Variants in PXN observed in about 807,000 individuals in gnomAD.
PXN encodes the protein testicular tissue protein Li 134.
In PXN, 61 loss-of-function variants were observed where a neutral mutation model predicts 103.6. The ratio of observed to expected loss-of-function variants is 0.59; its 90% CI spans 0.48 to 0.73. The LOEUF (loss-of-function observed/expected upper bound fraction) is 0.73. Among genes scored for constraint, PXN ranks in the 30% least tolerant of loss-of-function variants. PXN has a pLI of 0.00. For synonymous variants in PXN, 562 were observed against 607.8 expected (o/e 0.92, Z 1.11); for missense variants, 1,274 against 1,460.3 (o/e 0.87, Z 2.08).
chr12:120,230,063 T>G (rs1461926026), intron 1 of PXN, among the ~76,000 whole-genome samples: 1 of 152,160 alleles, frequency 6.6e-6, no homozygotes, highest in Admixed American at 6.5e-5. Flanking sequence ...GAACAAGGTA[T>G]TTTCCAGCCC....
At chr12:120,245,331 G>C (rs574761601) in intron 1 of PXN, among the ~76,000 whole-genome samples, 1 of 151,998 alleles carries the variant, frequency 6.6e-6, no homozygotes, top group Admixed American at 6.6e-5. Context: ...GAGCCACAAA[G>C]CACGTACAGA....
intron 1 of PXN, among the ~76,000 whole-genome samples, chr12:120,259,767 G>A (rs1023720288): frequency 6.6e-6 from 1 of 152,234 alleles, no homozygotes; most frequent in Non-Finnish European, 1.5e-5. Flanking sequence ...AGTGGACCCC[G>A]TGAGGCTGTC....
intron 3 of PXN, 119 bp from the exon 4 acceptor site, chr12:120,223,118 G>A: frequency 6.6e-7 from 1 of 1,519,728 alleles, no homozygotes; most frequent in Non-Finnish European, 8.9e-7. Context: ...TCCCCCGCAA[G>A]AGGACAGAGG....
At chr12:120,246,698 C>CA (rs1191579342) in intron 1 of PXN, among the ~76,000 whole-genome samples, 2 of 150,694 alleles carry the variant, frequency 1.3e-5, no homozygotes, top group Non-Finnish European at 3.0e-5. Flanking sequence ...ACTAAAAATA[C>CA]AAAAAAATTA....
Position 120,216,234 on chromosome 12 carries a change from G to A in PXN, c.2301+39C>T. ...GAGTGGGGGATGGCTCAGGCATTAG[G>A]ACAGGGGACAGAAAGGGAGGGGCTC... is the stretch of plus-strand genomic sequence containing the variant. On this transcript the variant is annotated intron_variant, in intron 9 of 14. Coordinates refer to ENST00000637617, the MANE Select transcript of PXN (RefSeq NM_001385981.1). This position sits in a 1 kb window ranked among gnomAD's most constrained non-coding sequence, Gnocchi z 5.1. The A allele has an allele frequency of 7.8e-7, 1 of 1,274,950 alleles. No individual in the cohort carries two copies. The highest frequency in any genetic ancestry group is 9.9e-7 in the Non-Finnish European group (1 of 1,014,536). The allele number at this position is 1,274,950 out of a possible 1,614,324, so 79.0% of individuals were successfully genotyped here. A position where few individuals can be genotyped will look rare whatever the true frequency, so the allele number is the denominator to read the frequency against.
In PXN at chr12:120,222,582, A is replaced by C; in HGVS notation, c.662T>G (p.Leu221Trp). The C allele has an allele frequency of 4.4e-6, 7 of 1,607,820 alleles. No homozygotes were observed. Among genetic ancestry groups the C allele is most frequent in the Non-Finnish European group, 5.1e-6 (6 of 1,177,600 alleles). ...EDVRPSVESL[L>W]DELESSVPSP... ...GGGCACGGAGCTCTCCAGTTCATCC[A>C]AGAGACTCTCCACACTGGGCCGCAC... The change falls in exon 5 of 15, where the codon TTG becomes TGG. Residue 221 changes from leucine to tryptophan, a missense_variant. This residue lies in a region of PXN where 1,178 missense variants were observed against 1,309.0 expected (regional missense o/e 0.90). Transcript: ENST00000637617. The surrounding 1 kb of genome is among the most constrained non-coding windows in gnomAD (Gnocchi z 4.7).
chr12:120,252,588 C>A (rs534981773), intron 1 of PXN, among the ~76,000 whole-genome samples: 1 of 152,020 alleles, frequency 6.6e-6, no homozygotes, highest in Admixed American at 6.6e-5. Flanking sequence ...ATACAAGATA[C>A]CCCCTAGATC....
intron 1 of PXN, among the ~76,000 whole-genome samples, chr12:120,242,039 G>T (rs1468335420): frequency 1.3e-5 from 2 of 152,168 alleles, no homozygotes; most frequent in African/African-American, 4.8e-5. Context: ...GAACAGATGA[G>T]ACAGGGAAGA....
chr12:120,222,714 A>G lies in PXN; in HGVS notation c.530T>C (p.Leu177Pro). 2 of 1,608,788 alleles carry G rather than the reference A, an allele frequency of 1.2e-6. No homozygotes were observed. Among genetic ancestry groups the G allele is most frequent in the Non-Finnish European group, 1.7e-6 (2 of 1,177,782 alleles). Residue 177 changes from leucine (L) to proline (P), a missense_variant, in exon 5 of 15, where the codon CTG becomes CCG. This residue lies in a region of PXN where 1,178 missense variants were observed against 1,309.0 expected (regional missense o/e 0.90). Transcript: ENST00000637617. The surrounding 1 kb of genome is among the most constrained non-coding windows in gnomAD (Gnocchi z 4.7). ...ANSSPPLPGA[L>P]SPLYGVPETN... is the part of the protein sequence containing the mutation. ...CTCTGGGACACCATAGAGGGGGCTC[A>G]GGGCCCCAGGAAGCGGGGGGCTTGA... is the stretch of plus-strand genomic sequence containing the variant.
Position 120,217,050 on chromosome 12 carries a change from G to C in PXN, c.1783C>G (p.Pro595Ala). 6.3e-7 allele frequency: 1 copy of C among 1,591,428 alleles called. No homozygotes were observed. The highest frequency in any genetic ancestry group is 1.3e-5 in the African/African-American group (1 of 74,960). Residue 595 changes from proline (P) to alanine (A), a missense_variant, in exon 8 of 15, where the codon CCT becomes GCT. By Grantham distance (27) the Pro-to-Ala change is conservative. Around this residue, in one of 2 missense-constraint regions of PXN, gnomAD observed 1,178 missense variants for 1,309.0 expected, o/e 0.90. Transcript: ENST00000637617. The surrounding 1 kb of genome is among the most constrained non-coding windows in gnomAD (Gnocchi z 4.1). ...HAHPMSREPS[P>A]RRRLDPATLS... ...GTGGCAGGGTCCAGCCGGCGGCGAG[G>C]GGAGGGCTCCCGGGACATGGGGTGT...
chr12:120,225,485 G>A lies in PXN; in HGVS notation c.14-1108C>T, dbSNP rs2283362. 42,544 of 152,242 alleles carry A rather than the reference G, an allele frequency of 0.28. 8,433 individuals are homozygous for A. The highest frequency in any genetic ancestry group is 0.54 in the East Asian group (2,798 of 5,148). The allele number at this position is 152,242 out of a possible 1,614,324, so 9.4% of individuals were successfully genotyped here. ...TGCTAGGCATTCTAGCAGCATGTAC[G>A]AGGTCTCCGTTAATCCCCCTAATAC... is the stretch of plus-strand genomic sequence containing the variant. On this transcript the variant is annotated intron_variant, in intron 1 of 14. Transcript: ENST00000637617. The surrounding 1 kb of genome is among the most constrained non-coding windows in gnomAD (Gnocchi z 4.4).
At chr12:120,241,550 G>A (rs779998851) in intron 1 of PXN, among the ~76,000 whole-genome samples, 3 of 152,218 alleles carry the variant, frequency 2.0e-5, no homozygotes, top group Non-Finnish European at 4.4e-5. Context: ...GGGCATGGGA[G>A]GGGCAAATAT....
In PXN at chr12:120,211,847, C is replaced by A. The variant is rs10128770; in HGVS notation, c.*467G>T. 4,574 of 484,400 alleles carry A rather than the reference C, an allele frequency of 9.4e-3. 194 individuals are homozygous for A. Among genetic ancestry groups the A allele is most frequent in the African/African-American group, 0.082 (4,175 of 51,076 alleles). The allele number at this position is 484,400 out of a possible 1,614,324, so 30.0% of individuals were successfully genotyped here. A position where few individuals can be genotyped will look rare whatever the true frequency, so the allele number is the denominator to read the frequency against. On this transcript the variant is annotated 3_prime_UTR_variant, in exon 15 of 15. Coordinates refer to ENST00000637617, the MANE Select transcript of PXN (RefSeq NM_001385981.1). The stretch of plus-strand genomic sequence containing the variant: ...ATGGATGGATTTATGCTGGCATTGT[C>A]TGGAGGGAGCCGGGTGTCCCCCAAT...
chr12:120,231,296 G>T (rs917583754), intron 1 of PXN, among the ~76,000 whole-genome samples: 2 of 152,220 alleles, frequency 1.3e-5, no homozygotes, highest in Non-Finnish European at 2.9e-5. Context: ...CTAAATCCAA[G>T]ATTCTGCTAT....
Position 120,223,702 on chromosome 12 carries a change from C to G in PXN, c.356+16G>C, listed in dbSNP as rs1179336996. On this transcript the variant is annotated intron_variant, in intron 3 of 14. Coordinates refer to ENST00000637617, the MANE Select transcript of PXN (RefSeq NM_001385981.1). Reference sequence around the variant, plus strand: ...TAAGCAGGAGGGAAGGTGCCCTGGGCAGACTGGGGCAGTACCTGTAGACGT... The same window carrying G: ...TAAGCAGGAGGGAAGGTGCCCTGGGGAGACTGGGGCAGTACCTGTAGACGT... 6.5e-7 allele frequency: 1 copy of G among 1,542,274 alleles called. No homozygotes were observed. Among genetic ancestry groups the G allele is most frequent in the Non-Finnish European group, 8.8e-7 (1 of 1,133,722 alleles).
At chr12:120,238,874 A>T (rs899651071) in intron 1 of PXN, among the ~76,000 whole-genome samples, 2 of 152,120 alleles carry the variant, frequency 1.3e-5, no homozygotes, top group African/African-American at 2.4e-5. Context: ...CTAGCTATGT[A>T]TGGGGGGCAC....
chr12:120,232,920 C>G (rs1888342044), intron 1 of PXN, among the ~76,000 whole-genome samples: 1 of 152,202 alleles, frequency 6.6e-6, no homozygotes, highest in Admixed American at 6.5e-5. Context: ...CCGAAGTCAG[C>G]TCTCGCTTGC....
chr12:120,250,079 C>A lies in PXN; in HGVS notation c.13+15538G>T. The A allele has an allele frequency of 3.0e-6, 3 of 985,660 alleles. No homozygotes were observed. In the South Asian group the frequency reaches 1.4e-4, roughly 46 times the overall value. The allele number at this position is 985,660 out of a possible 1,614,324, so 61.1% of individuals were successfully genotyped here. A position where few individuals can be genotyped will look rare whatever the true frequency, so the allele number is the denominator to read the frequency against. Reference sequence around the variant, plus strand: ...TCCTCCACACCCACCCCAGAGGAGCCCATCCCACTCAGCTGTCCCAGAGCA... The same window carrying A: ...TCCTCCACACCCACCCCAGAGGAGCACATCCCACTCAGCTGTCCCAGAGCA... On this transcript the variant is annotated intron_variant, in intron 1 of 14. Transcript: ENST00000637617.
chr12:120,223,136 A>G (rs1885714264), intron 3 of PXN, 137 bp from the exon 4 acceptor site: 1 of 1,448,800 alleles, frequency 6.9e-7, no homozygotes, highest in Non-Finnish European at 9.4e-7. Flanking sequence ...AGGGTAGGGA[A>G]GGGATGTGGT....
Sources: allele counts gnomAD v4.1 joint callset (sites outside exome capture counted in the v4.1 genomes callset), GRCh38; gene constraint gnomAD v4.1.1; regional missense constraint gnomAD v4.1.1; non-coding constraint Gnocchi (gnomAD v3.1); transcripts MANE v1.5; gene names NCBI Gene and HGNC (gene_info 2026-07-23, HGNC 2026-07-21).